The following ANXA4 variants were observed in gnomAD, a reference collection of about 807,000 sequenced individuals.
ANXA4 encodes the protein annexin A4.
ANXA4 carries 39 observed loss-of-function variants against 49.8 expected under a neutral mutation model. The ratio of observed to expected loss-of-function variants is 0.78; its 90% confidence interval spans 0.61 to 1.02. The LOEUF (loss-of-function observed/expected upper bound fraction) is 1.02, where lower values mean the gene tolerates loss of function less well. Ranked by LOEUF, ANXA4 falls within the 50% of genes least tolerant of loss-of-function variation. The pLI, the probability that ANXA4 is intolerant of heterozygous loss-of-function variation, is 0.00. For missense variants in ANXA4, 360 were observed against 410.1 expected (o/e 0.88, Z 1.05); for synonymous variants, 134 against 152.5 (o/e 0.88, Z 0.89).
chr2:69,677,510 G>A (rs186245910), intron 2 of ANXA4, among the ~76,000 whole-genome samples: 7 of 152,280 alleles, frequency 4.6e-5, no homozygotes, highest in East Asian at 3.9e-4. Flanking sequence ...GATTACAGGC[G>A]TGAGCCACTG....
intron 3 of ANXA4, among the ~76,000 whole-genome samples, chr2:69,736,219 G>C (rs1408933102): frequency 1.3e-5 from 2 of 152,222 alleles, no homozygotes; most frequent in Non-Finnish European, 2.9e-5. Flanking sequence ...CCTCTTGATT[G>C]AGGTGGGGGG....
At chr2:69,726,251 G>A (rs982823909) in intron 3 of ANXA4, among the ~76,000 whole-genome samples, 4 of 152,118 alleles carry the variant, frequency 2.6e-5, no homozygotes, top group East Asian at 1.9e-4. Context: ...CACGTAAGAC[G>A]CCTTGCTTCC....
At chr2:69,783,793 C>G (rs1672299094) in intron 2 of ANXA4, among the ~76,000 whole-genome samples, 1 of 152,184 alleles carries the variant, frequency 6.6e-6, no homozygotes, top group African/African-American at 2.4e-5. Context: ...AGAAATGCAA[C>G]TGCTGTTCTG....
At chr2:69,732,911 C>G (rs1335748012) in intron 3 of ANXA4, among the ~76,000 whole-genome samples, 1 of 152,202 alleles carries the variant, frequency 6.6e-6, no homozygotes. Flanking sequence ...GTGGGTGCCA[C>G]CTTTTCCTTG....
intron 1 of ANXA4, among the ~76,000 whole-genome samples, chr2:69,767,486 G>C (rs751381506): frequency 6.6e-6 from 1 of 152,174 alleles, no homozygotes; most frequent in Non-Finnish European, 1.5e-5. Context: ...GAATGTGCTT[G>C]GGTGGAATCT....
intron 3 of ANXA4, among the ~76,000 whole-genome samples, chr2:69,723,585 C>G (rs1416082284): frequency 6.6e-6 from 1 of 152,174 alleles, no homozygotes; most frequent in Non-Finnish European, 1.5e-5. Flanking sequence ...TCCTTTAGTT[C>G]TGCAGTGTGT....
intron 3 of ANXA4, among the ~76,000 whole-genome samples, chr2:69,798,752 C>T (rs1260363037): frequency 6.6e-6 from 1 of 152,142 alleles, no homozygotes; most frequent in African/African-American, 2.4e-5. Flanking sequence ...GACAAGAAGC[C>T]TCGGAAGTGA....
chr2:69,673,171 T>C (rs1321770398), intron 2 of ANXA4, among the ~76,000 whole-genome samples: 3 of 152,082 alleles, frequency 2.0e-5, no homozygotes, highest in Non-Finnish European at 4.4e-5. Context: ...ACCCGAAGGA[T>C]TATAAATCAT....
At chr2:69,819,576 T>C (rs1191585767) in intron 11 of ANXA4, among the ~76,000 whole-genome samples, 1 of 152,176 alleles carries the variant, frequency 6.6e-6, no homozygotes, top group African/African-American at 2.4e-5. Flanking sequence ...ATCAGGCTGG[T>C]ACTATTACTA....
intron 1 of ANXA4, among the ~76,000 whole-genome samples, chr2:69,780,340 G>A (rs1049152356): frequency 2.6e-5 from 4 of 152,104 alleles, no homozygotes; most frequent in Admixed American, 6.5e-5. Context: ...AATTACAGGC[G>A]TGTGCCACTA....
At chr2:69,676,423 A>G (rs763371989) in intron 2 of ANXA4, among the ~76,000 whole-genome samples, 7 of 152,242 alleles carry the variant, frequency 4.6e-5, no homozygotes, top group Non-Finnish European at 7.3e-5. Flanking sequence ...ACTAGACAGT[A>G]TAAAATGATT....
At chr2:69,813,559 T>C (rs1189036704) in intron 8 of ANXA4, among the ~76,000 whole-genome samples, 1 of 151,274 alleles carries the variant, frequency 6.6e-6, no homozygotes, top group African/African-American at 2.4e-5. Context: ...CCCACTGTTC[T>C]AAATTCTATA....
intron 3 of ANXA4, among the ~76,000 whole-genome samples, chr2:69,804,137 C>CAAAA (rs377321563): frequency 9.0e-5 from 8 of 88,838 alleles, no homozygotes; most frequent in African/African-American, 2.1e-4. Context: ...GACTTTCTCT[C>CAAAA]AAAAAAAAAA....
intron 2 of ANXA4, among the ~76,000 whole-genome samples, chr2:69,710,888 T>C (rs1678652206): frequency 6.6e-6 from 1 of 152,238 alleles, no homozygotes; most frequent in African/African-American, 2.4e-5. Context: ...GAAAACAGTT[T>C]ATCCAGTGTT....
intron 2 of ANXA4, chr2:69,700,369 G>T (rs1318547656): frequency 6.6e-6 from 1 of 152,082 alleles, no homozygotes; most frequent in Non-Finnish European, 1.5e-5. Flanking sequence ...ACACATCAAG[G>T]CTGTCTCTAA....
Position 69,812,692 on chromosome 2 carries a change from G to C in ANXA4, c.517G>C (p.Val173Leu), listed in dbSNP as rs575330346. The C allele has an allele frequency of 9.9e-6, 16 of 1,614,084 alleles. No homozygotes were observed. Among genetic ancestry groups the C allele is most frequent in the Admixed American group, 8.3e-5 (5 of 60,022 alleles). Residue 173 changes from valine to leucine, a missense_variant, in exon 8 of 13, where the codon GTG becomes CTG. Physicochemically the swap from Val to Leu is conservative, Grantham distance 32 (BLOSUM62 1). Coordinates refer to ENST00000394295, the MANE Select transcript of ANXA4 (RefSeq NM_001153.5). ...AGGAAATTATCTGGACGATGCTCTC[G>C]TGAGACAGGATGCCCAGGTTGGTAG... ...DEGNYLDDAL[V>L]RQDAQDLYEA...
At chr2:69,658,243 CA>C (rs1158008351) in intron 2 of ANXA4, among the ~76,000 whole-genome samples, 1 of 151,222 alleles carries the variant, frequency 6.6e-6, no homozygotes, top group African/African-American at 2.4e-5. Context: ...ATTAAAAATA[CA>C]AAAAAATTAG....
intron 2 of ANXA4, among the ~76,000 whole-genome samples, chr2:69,698,943 T>C (rs1678245209): frequency 6.6e-6 from 1 of 152,130 alleles, no homozygotes; most frequent in Non-Finnish European, 1.5e-5. Flanking sequence ...CAAAAGGATA[T>C]AAGAGGATAA....
At position 69,816,158 on chromosome 2, in the gene ANXA4, G is replaced by C; in HGVS notation, c.592G>C (p.Val198Leu). 1 of 1,614,110 alleles carries C rather than the reference G, an allele frequency of 6.2e-7. No homozygotes were observed. Residue 198 changes from valine (V) to leucine (L), a missense_variant, in exon 9 of 13, where the codon GTT (valine) becomes CTT (leucine). Physicochemically the swap from Val to Leu is conservative, Grantham distance 32. Coordinates refer to ENST00000394295, the MANE Select transcript of ANXA4 (RefSeq NM_001153.5). ...WGTDEVKFLT[V>L]LCSRNRNHLL... ...GACAGATGAGGTGAAATTTCTAACTGTTCTCTGTTCCCGGAACCGAAATCA... is the reference window on the plus strand; with the variant it reads ...GACAGATGAGGTGAAATTTCTAACTCTTCTCTGTTCCCGGAACCGAAATCA...
Sources: gnomAD v4.1 joint callset for allele counts (sites outside exome capture counted in the v4.1 genomes callset) on GRCh38, gnomAD v4.1.1 for gene constraint, MANE v1.5 for transcripts, NCBI Gene and HGNC (gene_info 2026-07-23, HGNC 2026-07-21) for gene names.